Variants in RPAP1 observed in about 807,000 individuals in gnomAD.
RPAP1 encodes the protein RNA polymerase II associated protein 1.
Under a neutral mutation model 142.4 loss-of-function variants are expected in RPAP1, and 109 were observed. The ratio of observed to expected loss-of-function variants is 0.77; its 90% CI spans 0.66 to 0.90. The LOEUF is 0.90. Ranked by LOEUF, RPAP1 falls within the 40% of genes least tolerant of loss-of-function variation. RPAP1 has a pLI of 0.00. For missense variants in RPAP1, 1,546 were observed against 1,751.7 expected (o/e 0.88, Z 2.10); for synonymous variants, 704 against 738.9 (o/e 0.95, Z 0.77).
intron 1 of RPAP1, among the ~76,000 whole-genome samples, chr15:41,538,885 AAAAG>A (rs997242600): frequency 1.5e-5 from 2 of 135,642 alleles, no homozygotes; most frequent in South Asian, 2.3e-4. Context: ...TTATTTAGTG[AAAAG>A]AAAGAAAGAA....
At chr15:41,522,544 T>C (rs1208574867) in intron 19 of RPAP1, 5 of 560,814 alleles carry the variant, frequency 8.9e-6, no homozygotes, top group Non-Finnish European at 1.6e-5. Context: ...GCATGTGCCA[T>C]CATGCCTGGC....
chr15:41,534,336 T>A (rs1429514034), intron 6 of RPAP1, among the ~76,000 whole-genome samples: 1 of 151,424 alleles, frequency 6.6e-6, no homozygotes, highest in Non-Finnish European at 1.5e-5. Flanking sequence ...GAGAATCTCT[T>A]GAACCCGGGA....
chr15:41,529,967 G>A lies in RPAP1; in HGVS notation c.956C>T (p.Pro319Leu), dbSNP rs753304564. 2.0e-5 allele frequency: 32 copies of A among 1,614,036 alleles called. No homozygotes were observed. The highest frequency in any genetic ancestry group is 2.5e-5 in the Non-Finnish European group (30 of 1,179,914). ...LEPEAPALALPVTPQKEWLHM... is the reference protein window; with the variant it reads ...LEPEAPALALLVTPQKEWLHM... ...CAGCCATTCTTTCTGAGGGGTCACG[G>A]GCAATGCCAGAGCTGGGGAGACAAA... The change falls in exon 8 of 25, where the codon CCC becomes CTC. Residue 319 changes from proline to leucine, a missense_variant. Physicochemically the swap from Pro to Leu is moderately conservative, Grantham distance 98 (BLOSUM62 -3). Coordinates refer to ENST00000304330, the MANE Select transcript of RPAP1 (RefSeq NM_015540.4).
Position 41,536,601 on chromosome 15 carries a change from G to C in RPAP1, c.230C>G (p.Ala77Gly). ...PALVPSPPKR[A>G]RPSPGHCLPE... ...CAGGCAGTGGCCAGGGCTGGGCCTG[G>C]CTCTCTTTGGAGGAGAAGGGACCAA... The change falls in exon 3 of 25, where the codon GCC becomes GGC. Residue 77 changes from alanine to glycine, a missense_variant. Coordinates refer to ENST00000304330, the MANE Select transcript of RPAP1 (RefSeq NM_015540.4). 6.2e-7 allele frequency: 1 copy of C among 1,614,082 alleles called. No individual in the cohort carries two copies. The highest frequency in any genetic ancestry group is 8.5e-7 in the Non-Finnish European group (1 of 1,180,028).
chr15:41,540,419 A>C (rs2051961017), intron 1 of RPAP1, among the ~76,000 whole-genome samples: 1 of 151,520 alleles, frequency 6.6e-6, no homozygotes, highest in Non-Finnish European at 1.5e-5. Flanking sequence ...CTCCTGCCTC[A>C]GTCTCCCTAG....
intron 1 of RPAP1, among the ~76,000 whole-genome samples, chr15:41,543,334 C>T (rs973492754): frequency 1.3e-5 from 2 of 151,432 alleles, no homozygotes; most frequent in African/African-American, 4.9e-5. Flanking sequence ...CTCAGGCTCC[C>T]GAGTAGCTGG....
chr15:41,524,150 G>A lies in RPAP1; in HGVS notation c.2180C>T (p.Thr727Ile). Residue 727 changes from threonine (T) to isoleucine (I), a missense_variant, in exon 16 of 25, where the codon ACT (threonine) becomes ATT (isoleucine). Physicochemically the swap from Thr to Ile is moderately conservative, Grantham distance 89. Around this residue, in one of 3 missense-constraint regions of RPAP1, gnomAD observed 1,333 missense variants for 1,486.6 expected, o/e 0.90. Coordinates refer to ENST00000304330, the MANE Select transcript of RPAP1 (RefSeq NM_015540.4). ...LSMQRIASLL[T>I]LLTQLTLAAG... ...TGCCAGGGTTAGCTGGGTGAGGAGA[G>A]TGAGCAGTGAGGCTATCCGCTGCAT... The A allele has an allele frequency of 1.3e-6, 2 of 1,599,292 alleles. No individual in the cohort carries two copies. The highest frequency in any genetic ancestry group is 1.7e-6 in the Non-Finnish European group (2 of 1,171,680).
At chr15:41,529,702 C>A (rs1172420083) in intron 8 of RPAP1, 134 bp from the exon 9 acceptor site, 1 of 848,700 alleles carries the variant, frequency 1.2e-6, no homozygotes, top group Non-Finnish European at 1.9e-6. Context: ...GCTTATCTGG[C>A]CTTGGGGGCC....
At chr15:41,525,248 G>T in intron 14 of RPAP1, 100 bp from the exon 15 acceptor site, 2 of 1,003,940 alleles carry the variant, frequency 2.0e-6, no homozygotes, top group East Asian at 3.1e-5. Context: ...CCTGACCCAG[G>T]CCCCTCTGGT....
Position 41,524,254 on chromosome 15 carries a change from C to G in RPAP1, c.2076G>C (p.Arg692Ser). Residue 692 changes from arginine to serine, a missense_variant and splice_region_variant, in exon 16 of 25, where the codon AGG becomes AGC. Transcript: ENST00000304330. ...CCCGCATCAGCACTGGGTAGAGCTCCCTAGGGAAGAACAGGGACTGATTTT... is the reference window on the plus strand; with the variant it reads ...CCCGCATCAGCACTGGGTAGAGCTCGCTAGGGAAGAACAGGGACTGATTTT... ...ASYGQGGYLY[R>S]ELYPVLMRAL... 3 of 1,518,174 alleles carry G rather than the reference C, an allele frequency of 2.0e-6. No individual in the cohort carries two copies. Among genetic ancestry groups the G allele is most frequent in the Non-Finnish European group, 2.6e-6 (3 of 1,133,052 alleles). 94.0% of individuals were successfully genotyped at this position (1,518,174 alleles called of 1,614,324 possible).
At chr15:41,518,233 A>G (rs757975028) in intron 22 of RPAP1, 51 bp from the exon 23 acceptor site, 1 of 1,476,778 alleles carries the variant, frequency 6.8e-7, no homozygotes, top group South Asian at 1.4e-5. Context: ...ATGTATATAC[A>G]TACATAAGGT....
At chr15:41,522,401 T>A (rs1472409233) in intron 19 of RPAP1, 151 bp from the exon 20 acceptor site, 2 of 753,984 alleles carry the variant, frequency 2.7e-6, no homozygotes, top group Non-Finnish European at 4.3e-6. Flanking sequence ...TCTTTTTGGT[T>A]TTTTTTGAGA....
At chr15:41,541,912 G>C (rs1394511849) in intron 1 of RPAP1, among the ~76,000 whole-genome samples, 1 of 152,188 alleles carries the variant, frequency 6.6e-6, no homozygotes, top group African/African-American at 2.4e-5. Flanking sequence ...AGCAGGATCA[G>C]ATCTAATAAC....
chr15:41,522,402 T>C (rs1187400203), intron 19 of RPAP1, 152 bp from the exon 20 acceptor site: 50 of 735,746 alleles, frequency 6.8e-5, no homozygotes, highest in Non-Finnish European at 1.1e-5. Flanking sequence ...CTTTTTGGTT[T>C]TTTTTGAGAT....
intron 17 of RPAP1, 110 bp from the exon 18 acceptor site, chr15:41,523,464 A>G: frequency 1.4e-6 from 1 of 709,954 alleles, no homozygotes; most frequent in Non-Finnish European, 2.4e-6. Context: ...GCACATTTGG[A>G]GGCTTCTGCA....
chr15:41,536,840 G>A, intron 2 of RPAP1, 105 bp downstream of exon 2: 1 of 1,435,868 alleles, frequency 7.0e-7, no homozygotes, highest in East Asian at 2.3e-5. Context: ...GCTATGCAGT[G>A]TCTGAAATAA....
intron 1 of RPAP1, among the ~76,000 whole-genome samples, chr15:41,541,519 G>A (rs2051972036): frequency 6.6e-6 from 1 of 151,990 alleles, no homozygotes; most frequent in Non-Finnish European, 1.5e-5. Flanking sequence ...ATGAGATGGA[G>A]AGGTAGACAA....
intron 6 of RPAP1, among the ~76,000 whole-genome samples, chr15:41,531,617 A>T (rs1373868990): frequency 4.2e-5 from 4 of 95,022 alleles, no homozygotes; most frequent in Non-Finnish European, 8.2e-5. Flanking sequence ...ATATATATAT[A>T]TATATATATA....
intron 4 of RPAP1, among the ~76,000 whole-genome samples, chr15:41,535,862 T>C (rs2051901117): frequency 6.6e-6 from 1 of 152,178 alleles, no homozygotes; most frequent in African/African-American, 2.4e-5. Context: ...TGTGTGGTGT[T>C]GGACAAGTTA....
Sources: gnomAD v4.1 joint callset for allele counts (sites outside exome capture counted in the v4.1 genomes callset) on GRCh38, gnomAD v4.1.1 for gene constraint, gnomAD v4.1.1 regional missense constraint, MANE v1.5 for transcripts, NCBI Gene and HGNC (gene_info 2026-07-23, HGNC 2026-07-21) for gene names.